Variants in LDLRAP1 observed in about 807,000 individuals in gnomAD.
LDLRAP1 encodes the protein low density lipoprotein receptor adapter protein 1.
In LDLRAP1, 30 loss-of-function variants were observed where a neutral mutation model predicts 37.8. The observed-to-expected ratio is 0.79, with a 90% CI of 0.59 to 1.08. The LOEUF (loss-of-function observed/expected upper bound fraction) is 1.08. Ranked by LOEUF, LDLRAP1 falls within the 50% of genes least tolerant of loss-of-function variation. The probability of loss-of-function intolerance (pLI) is 0.00; values close to 1 mark genes in which losing one functional copy is unlikely to be tolerated. For missense variants in LDLRAP1, 375 were observed against 401.6 expected, an observed-to-expected ratio of 0.93 and a Z score of 0.57; for synonymous variants, 156 against 169.8, an observed-to-expected ratio of 0.92 and a Z score of 0.63.
At position 25,554,711 on chromosome 1, in the gene LDLRAP1, G is replaced by A; in HGVS notation, c.232-149G>A. On this transcript the variant is annotated intron_variant, in intron 2 of 8. Coordinates refer to ENST00000374338, the MANE Select transcript of LDLRAP1 (RefSeq NM_015627.3). This position sits in a 1 kb window ranked among gnomAD's most constrained non-coding sequence, Gnocchi z 5.4. ...GCTCCTGTTTCTATTGCAAGAAGGT[G>A]CTGGCTGAGTGGTCTTGCCCACACT... The A allele has an allele frequency of 1.4e-6, 1 of 697,902 alleles. No individual in the cohort carries two copies. Among genetic ancestry groups the A allele is most frequent in the Non-Finnish European group, 2.6e-6 (1 of 383,382 alleles). 43.2% of individuals were successfully genotyped at this position (697,902 alleles called of 1,614,324 possible). A position where few individuals can be genotyped will look rare whatever the true frequency, so the allele number is the denominator to read the frequency against.
the LDLRAP1 span, among the ~76,000 whole-genome samples, chr1:25,576,066 TAA>T: frequency 2.2e-5 from 3 of 138,988 alleles, no homozygotes; most frequent in Non-Finnish European, 1.6e-5. Flanking sequence ...CCATCTCTAT[TAA>T]AAAAAAAAAA....
At chr1:25,560,612 A>C (rs2044320887) in intron 4 of LDLRAP1, among the ~76,000 whole-genome samples, 1 of 152,134 alleles carries the variant, frequency 6.6e-6, no homozygotes, top group Non-Finnish European at 1.5e-5. Flanking sequence ...CCCCATGACC[A>C]TTGGCATCTT....
the LDLRAP1 span, among the ~76,000 whole-genome samples, chr1:25,579,041 G>A: frequency 6.6e-6 from 1 of 152,324 alleles, no homozygotes; most frequent in South Asian, 2.1e-4. Context: ...GAAGCTAACA[G>A]TATGCAGTAT....
At chr1:25,583,701 G>A in the LDLRAP1 span, among the ~76,000 whole-genome samples, 4 of 151,816 alleles carry the variant, frequency 2.6e-5, no homozygotes, top group African/African-American at 9.7e-5. Context: ...ATCTCTTTCT[G>A]GTATGCCCAT....
the LDLRAP1 span, among the ~76,000 whole-genome samples, chr1:25,582,383 G>C: frequency 0.12 from 18,014 of 152,096 alleles, 1,683 homozygotes; most frequent in African/African-American, 0.26. Flanking sequence ...TATGGAGATC[G>C]AGACCATCCT....
chr1:25,563,616 G>A, intron 6 of LDLRAP1, 45 bp from the exon 7 acceptor site: 1 of 1,610,108 alleles, frequency 6.2e-7, no homozygotes, highest in Non-Finnish European at 8.5e-7. Flanking sequence ...GGCCAGGAAG[G>A]AAGAGGCTGA....
At chr1:25,558,860 G>A (rs948242520) in intron 4 of LDLRAP1, among the ~76,000 whole-genome samples, 5 of 152,176 alleles carry the variant, frequency 3.3e-5, no homozygotes, top group South Asian at 2.1e-4. Context: ...GCGGACACAC[G>A]ATTCAGCCCA....
chr1:25,574,269 C>T, the LDLRAP1 span, among the ~76,000 whole-genome samples: 8 of 152,142 alleles, frequency 5.3e-5, no homozygotes, highest in Non-Finnish European at 1.0e-4. Context: ...GACCACAGGG[C>T]GGTGGCAAGG....
chr1:25,585,225 T>C, the LDLRAP1 span, among the ~76,000 whole-genome samples: 1 of 152,180 alleles, frequency 6.6e-6, no homozygotes, highest in African/African-American at 2.4e-5. Flanking sequence ...TGATTATCTC[T>C]CTTTTGTAGA....
chr1:25,563,714 T>C lies in LDLRAP1; in HGVS notation c.670T>C (p.Ser224Pro). Reference protein sequence around the residue: ...DLEETAKAPLSTVSANTTNMD... With the variant: ...DLEETAKAPLPTVSANTTNMD... ...AGAGGAGACAGCTAAGGCCCCGCTG[T>C]CCACGGTCAGCGCCAACACCACCAA... The change falls in exon 7 of 9, where the codon TCC becomes CCC. Residue 224 changes from serine to proline, a missense_variant. Coordinates refer to ENST00000374338, the MANE Select transcript of LDLRAP1 (RefSeq NM_015627.3). 2 of 1,613,930 alleles carry C rather than the reference T, an allele frequency of 1.2e-6. No individual in the cohort carries two copies. Among genetic ancestry groups the C allele is most frequent in the South Asian group, 1.1e-5 (1 of 91,086 alleles).
At chr1:25,583,355 A>T in the LDLRAP1 span, among the ~76,000 whole-genome samples, 3 of 151,608 alleles carry the variant, frequency 2.0e-5, no homozygotes, top group Non-Finnish European at 4.4e-5. Flanking sequence ...ATGCCTGGCT[A>T]ATTTTTTATA....
intron 7 of LDLRAP1, 77 bp from the exon 8 acceptor site, chr1:25,565,095 CA>C (rs2044441727): frequency 6.6e-7 from 1 of 1,525,956 alleles, no homozygotes; most frequent in Admixed American, 1.7e-5. Flanking sequence ...GTAGCTTACC[CA>C]GGGCTGGGAC....
At chr1:25,579,871 A>G in the LDLRAP1 span, among the ~76,000 whole-genome samples, 1 of 152,188 alleles carries the variant, frequency 6.6e-6, no homozygotes, top group African/African-American at 2.4e-5. Flanking sequence ...CCCTTCCTTC[A>G]GCTCTGACTA....
rs187009856 is a variant in LDLRAP1 at position 25,555,762 on chromosome 1, C to T, written c.344+790C>T. ...GGTCTGGCTGATGTCTTCCTCTCACCGGCCTGATCATACCTGCCTTCCTTT... is the reference window on the plus strand; with the variant it reads ...GGTCTGGCTGATGTCTTCCTCTCACTGGCCTGATCATACCTGCCTTCCTTT... On this transcript the variant is annotated intron_variant, in intron 3 of 8. Transcript: ENST00000374338. The surrounding 1 kb of genome is among the most constrained non-coding windows in gnomAD (Gnocchi z 4.7). 8.3e-4 allele frequency among the ~76,000 whole-genome samples: 126 copies of T among 152,284 alleles called. No individual in the cohort carries two copies. Among genetic ancestry groups the T allele is most frequent in the Non-Finnish European group, 2.9e-4 (20 of 68,014 alleles).
chr1:25,567,227 G>A lies in LDLRAP1; in HGVS notation c.*235G>A. The A allele has an allele frequency of 6.8e-6, 4 of 588,012 alleles. No individual in the cohort carries two copies. The highest frequency in any genetic ancestry group is 1.2e-5 in the Non-Finnish European group (4 of 327,210). The allele number at this position is 588,012 out of a possible 1,614,324, so 36.4% of individuals were successfully genotyped here. The stretch of plus-strand genomic sequence containing the variant: ...ATTTATTCAGTGACTTCTGGCTTAT[G>A]CTCAGAAGCCAGTCTGCGTCAGGCA... On this transcript the variant is annotated 3_prime_UTR_variant, in exon 9 of 9. Transcript: ENST00000374338.
intron 1 of LDLRAP1, 39 bp downstream of exon 1, chr1:25,543,825 G>A (rs2043861789): frequency 8.4e-7 from 1 of 1,183,610 alleles, no homozygotes; most frequent in African/African-American, 1.6e-5. Context: ...GCCGGGATCG[G>A]GCAGAGGCGC....
intron 6 of LDLRAP1, 69 bp downstream of exon 6, chr1:25,563,222 A>G: frequency 7.5e-7 from 1 of 1,334,806 alleles, no homozygotes; most frequent in East Asian, 2.3e-5. Flanking sequence ...GGGGGGTCCC[A>G]CTCCTGCCTG....
chr1:25,555,020 T>A lies in LDLRAP1; in HGVS notation c.344+48T>A. The A allele has an allele frequency of 6.7e-6, 9 of 1,333,728 alleles. No individual in the cohort carries two copies. Among genetic ancestry groups the A allele is most frequent in the Non-Finnish European group, 9.7e-6 (9 of 926,854 alleles). 82.6% of individuals were successfully genotyped at this position (1,333,728 alleles called of 1,614,324 possible). On this transcript the variant is annotated intron_variant, in intron 3 of 8. Coordinates refer to ENST00000374338, the MANE Select transcript of LDLRAP1 (RefSeq NM_015627.3). The surrounding 1 kb of genome is among the most constrained non-coding windows in gnomAD (Gnocchi z 4.7). ...CCATCCACTCTGCCACTTGGGGCAG[T>A]GGGTGGAGTATCCCATCTGAATCCA...
At chr1:25,565,514 A>G (rs931647439) in intron 8 of LDLRAP1, among the ~76,000 whole-genome samples, 3 of 151,060 alleles carry the variant, frequency 2.0e-5, no homozygotes, top group Non-Finnish European at 4.4e-5. Flanking sequence ...ATTTCCTCCG[A>G]CTTGAGGAGG....
Sources: gnomAD v4.1 joint callset for allele counts (sites outside exome capture counted in the v4.1 genomes callset) on GRCh38, gnomAD v4.1.1 for gene constraint, Gnocchi (gnomAD v3.1) non-coding constraint, MANE v1.5 for transcripts, NCBI Gene and HGNC (gene_info 2026-07-23, HGNC 2026-07-21) for gene names.